KCNMB2: variants seen among roughly 807,000 people sequenced by gnomAD.
KCNMB2 encodes the protein calcium-activated potassium channel subunit beta-2.
Under a neutral mutation model 24.5 loss-of-function variants are expected in KCNMB2, and 9 were observed. The observed-to-expected ratio is 0.37, with a 90% confidence interval of 0.22 to 0.64. KCNMB2 has a LOEUF of 0.64. Ranked by LOEUF, KCNMB2 falls within the 30% of genes least tolerant of loss-of-function variation. KCNMB2 has a pLI of 0.63. For synonymous variants in KCNMB2, 109 were observed against 104.4 expected (o/e 1.04, Z -0.27); for missense variants, 226 against 284.3 (o/e 0.79, Z 1.47).
intron 1 of KCNMB2, among the ~76,000 whole-genome samples, chr3:178,687,482 T>C (rs1366063512): frequency 3.9e-5 from 6 of 152,110 alleles, no homozygotes; most frequent in Non-Finnish European, 8.8e-5. Context: ...GAAAAACATA[T>C]CCAGTTGAAT....
chr3:178,749,523 T>A lies in KCNMB2; in HGVS notation c.-67-57820T>A, dbSNP rs369449458. Among the ~76,000 whole-genome samples the A allele has an allele frequency of 1.4e-4, 21 of 152,330 alleles. No individual in the cohort carries two copies. The South Asian group carries it at 2.1e-3, about 15-fold the overall frequency. On this transcript the variant is annotated intron_variant, in intron 1 of 4. Coordinates refer to ENST00000452583, the MANE Select transcript of KCNMB2 (RefSeq NM_181361.3). ...AGGAGGATGTTTCTGGATACCTATA[T>A]CATAGTTGAGAGAGAAAATTTAATC...
intron 1 of KCNMB2, among the ~76,000 whole-genome samples, chr3:178,788,980 T>A (rs1267719177): frequency 6.6e-6 from 1 of 152,178 alleles, no homozygotes; most frequent in Non-Finnish European, 1.5e-5. Context: ...AATGCTGAAT[T>A]GATTAAAAAG....
intron 1 of KCNMB2, among the ~76,000 whole-genome samples, chr3:178,618,325 T>C (rs748388498): frequency 8.5e-5 from 13 of 152,226 alleles, no homozygotes; most frequent in Non-Finnish European, 1.9e-4. Context: ...GCTCACAGTG[T>C]GCCAGATACC....
intron 1 of KCNMB2, among the ~76,000 whole-genome samples, chr3:178,574,013 C>T (rs973473897): frequency 6.6e-6 from 1 of 152,126 alleles, no homozygotes; most frequent in African/African-American, 2.4e-5. Context: ...GCATAATATA[C>T]ATTAAAGCAC....
chr3:178,793,898 AC>A (rs1327497971), intron 1 of KCNMB2, among the ~76,000 whole-genome samples: 76 of 152,214 alleles, frequency 5.0e-4, no homozygotes, highest in African/African-American at 1.8e-3. Flanking sequence ...GCCTCAAAAA[AC>A]AAAGATAAAG....
intron 1 of KCNMB2, among the ~76,000 whole-genome samples, chr3:178,546,313 AT>A (rs2108450304): frequency 6.6e-6 from 1 of 152,352 alleles, no homozygotes; most frequent in African/African-American, 2.4e-5. Flanking sequence ...AAAAACTGGT[AT>A]AAAGAAAACA....
At chr3:178,566,365 A>T (rs1304566690) in intron 1 of KCNMB2, among the ~76,000 whole-genome samples, 10 of 152,314 alleles carry the variant, frequency 6.6e-5, no homozygotes, top group African/African-American at 2.4e-4. Context: ...TGTAAAGTTC[A>T]TTGGTCTCAG....
intron 1 of KCNMB2, among the ~76,000 whole-genome samples, chr3:178,747,346 C>T (rs1485796912): frequency 6.6e-6 from 1 of 152,176 alleles, no homozygotes; most frequent in Non-Finnish European, 1.5e-5. Context: ...TCAATTACCT[C>T]CCACTGGGTC....
intron 2 of KCNMB2, among the ~76,000 whole-genome samples, chr3:178,820,298 T>G (rs183986372): frequency 1.0e-3 from 152 of 152,326 alleles, no homozygotes; most frequent in African/African-American, 3.3e-3. Flanking sequence ...TACACACCTA[T>G]CTAATCAGTC....
intron 1 of KCNMB2, among the ~76,000 whole-genome samples, chr3:178,663,883 A>T (rs1720622471): frequency 6.6e-6 from 1 of 152,148 alleles, no homozygotes; most frequent in Non-Finnish European, 1.5e-5. Context: ...GAAGTACTGT[A>T]GCTGAAACAC....
At chr3:178,572,254 G>T (rs16829784) in intron 1 of KCNMB2, among the ~76,000 whole-genome samples, 1 of 152,122 alleles carries the variant, frequency 6.6e-6, no homozygotes, top group Non-Finnish European at 1.5e-5. Flanking sequence ...CATGCCACTT[G>T]CTTACTTAAC....
chr3:178,682,528 A>T (rs1214343817), intron 1 of KCNMB2, among the ~76,000 whole-genome samples: 1 of 152,188 alleles, frequency 6.6e-6, no homozygotes, highest in Non-Finnish European at 1.5e-5. Flanking sequence ...TGCATGCCAC[A>T]AATGTGACTT....
chr3:178,545,130 A>G (rs1715735458), intron 1 of KCNMB2, among the ~76,000 whole-genome samples: 1 of 152,188 alleles, frequency 6.6e-6, no homozygotes, highest in Non-Finnish European at 1.5e-5. Flanking sequence ...AAGGGGAAGG[A>G]AAGAGCAGCT....
chr3:178,702,644 T>C (rs1409323683), intron 1 of KCNMB2, among the ~76,000 whole-genome samples: 1 of 151,998 alleles, frequency 6.6e-6, no homozygotes, highest in Admixed American at 6.6e-5. Flanking sequence ...CAAGCAAAAA[T>C]AAATTTCATC....
intron 1 of KCNMB2, among the ~76,000 whole-genome samples, chr3:178,624,400 C>A (rs1719031177): frequency 6.6e-6 from 1 of 152,090 alleles, no homozygotes; most frequent in African/African-American, 2.4e-5. Flanking sequence ...GATGTCTATA[C>A]TAAATGGTTG....
chr3:178,813,686 G>T (rs867263174), intron 2 of KCNMB2, among the ~76,000 whole-genome samples: 92 of 151,982 alleles, frequency 6.1e-4, no homozygotes, highest in South Asian at 2.1e-3. Context: ...AATATATTTG[G>T]GCTGCCTTTT....
At chr3:178,549,850 C>G (rs1433713548) in intron 1 of KCNMB2, among the ~76,000 whole-genome samples, 2 of 152,200 alleles carry the variant, frequency 1.3e-5, no homozygotes, top group African/African-American at 4.8e-5. Flanking sequence ...ACATTACACT[C>G]TACCCTGGCT....
Position 178,842,951 on chromosome 3 carries a change from T to TA in KCNMB2, c.*18dup. 6.3e-7 allele frequency: 1 copy of TA among 1,585,040 alleles called. No individual in the cohort carries two copies. Among genetic ancestry groups the TA allele is most frequent in the Non-Finnish European group, 8.6e-7 (1 of 1,164,902 alleles). On this transcript the variant is annotated 3_prime_UTR_variant, in exon 5 of 5. Coordinates refer to ENST00000452583, the MANE Select transcript of KCNMB2 (RefSeq NM_181361.3). The stretch of plus-strand genomic sequence containing the variant: ...ATCAATAGATAAATGCAAAAATGGA[T>TA]AAAATAATTTTTGTTAAAGCTCAAA...
chr3:178,683,427 T>A (rs1242250251), intron 1 of KCNMB2, among the ~76,000 whole-genome samples: 1 of 152,062 alleles, frequency 6.6e-6, no homozygotes, highest in African/African-American at 2.4e-5. Context: ...CTCAGCATCA[T>A]GCAATATATC....
Sources: gnomAD v4.1 joint callset for allele counts (sites outside exome capture counted in the v4.1 genomes callset) on GRCh38, gnomAD v4.1.1 for gene constraint, MANE v1.5 for transcripts, NCBI Gene and HGNC (gene_info 2026-07-23, HGNC 2026-07-21) for gene names.